Variants in XYLB observed in about 807,000 individuals in gnomAD.
XYLB encodes the protein xylulokinase, also known as xylulose kinase.
Under a neutral mutation model 78.7 loss-of-function variants are expected in XYLB, and 62 were observed. That is an observed-to-expected ratio of 0.79 (90% confidence interval 0.64 to 0.97). XYLB has a LOEUF of 0.97. Among genes scored for constraint, XYLB ranks in the 50% least tolerant of loss-of-function variants. The pLI, the probability that XYLB is intolerant of heterozygous loss-of-function variation, is 0.00. For missense variants in XYLB, 687 were observed against 676.8 expected (o/e 1.02, Z -0.17); for synonymous variants, 245 against 247.4 (o/e 0.99, Z 0.09).
chr3:38,396,192 A>G (rs756039238), intron 16 of XYLB, among the ~76,000 whole-genome samples: 10 of 152,208 alleles, frequency 6.6e-5, no homozygotes, highest in Admixed American at 4.6e-4. Flanking sequence ...TGAAATGGGA[A>G]TTCTTCTATA....
chr3:38,397,849 T>G (rs949891586), intron 17 of XYLB, among the ~76,000 whole-genome samples: 8 of 149,656 alleles, frequency 5.3e-5, no homozygotes. Context: ...AGACGGAGTC[T>G]TGCTCTGTCA....
At chr3:38,451,316 G>A in the XYLB span, 2 of 152,212 alleles carry the variant, frequency 1.3e-5, no homozygotes, top group Non-Finnish European at 2.9e-5. Context: ...GAAGGAACTC[G>A]GATAAAACAA....
chr3:38,365,729 C>T lies in XYLB; in HGVS notation c.500C>T (p.Ala167Val), dbSNP rs1328624888. 2 of 1,612,426 alleles carry T rather than the reference C, an allele frequency of 1.2e-6. No individual in the cohort carries two copies. Among genetic ancestry groups the T allele is most frequent in the Non-Finnish European group, 1.7e-6 (2 of 1,179,390 alleles). Residue 167 changes from alanine to valine, a missense_variant, in exon 6 of 19, where the codon GCC becomes GTC. Coordinates refer to ENST00000207870, the MANE Select transcript of XYLB (RefSeq NM_005108.4). ...CTCAGCTGCCTCACGGGGTCCCGTGCCTATGAGGTAGGCTGAGGATGCGGG... is the reference window on the plus strand; with the variant it reads ...CTCAGCTGCCTCACGGGGTCCCGTGTCTATGAGGTAGGCTGAGGATGCGGG... ...QALSCLTGSR[A>V]YERFTGNQIA...
chr3:38,412,116 G>A (rs574092535), intron 18 of XYLB, among the ~76,000 whole-genome samples: 3 of 151,634 alleles, frequency 2.0e-5, no homozygotes, highest in South Asian at 2.1e-4. Flanking sequence ...TCAGCCTCTC[G>A]AGTAGTTGGG....
intron 2 of XYLB, 52 bp downstream of exon 2, chr3:38,348,684 CT>C: frequency 4.5e-6 from 7 of 1,562,270 alleles, no homozygotes; most frequent in Non-Finnish European, 6.2e-6. Flanking sequence ...TTTTGGGGTC[CT>C]CCCGCAAACT....
the XYLB span, among the ~76,000 whole-genome samples, chr3:38,445,798 T>C: frequency 6.6e-6 from 1 of 152,188 alleles, no homozygotes; most frequent in South Asian, 2.1e-4. Flanking sequence ...GTGGCCACGC[T>C]AGTCACTTTT....
intron 1 of XYLB, among the ~76,000 whole-genome samples, chr3:38,347,552 C>T (rs1205962063): frequency 6.6e-6 from 1 of 151,864 alleles, no homozygotes. Flanking sequence ...TGGTGGAGCA[C>T]ACCTGTAGTC....
chr3:38,452,132 G>A, the XYLB span: 3 of 152,194 alleles, frequency 2.0e-5, no homozygotes, highest in East Asian at 5.8e-4. Flanking sequence ...GTTATTACCA[G>A]ATACCTTATA....
At chr3:38,446,763 C>A in the XYLB span, among the ~76,000 whole-genome samples, 2 of 152,006 alleles carry the variant, frequency 1.3e-5, no homozygotes, top group African/African-American at 2.4e-5. Context: ...TATACAAAAA[C>A]CAAATCAAAA....
chr3:38,448,366 G>A, the XYLB span, among the ~76,000 whole-genome samples: 3 of 152,038 alleles, frequency 2.0e-5, no homozygotes, highest in Non-Finnish European at 4.4e-5. Flanking sequence ...TTGGGTGATG[G>A]ATACCTAAAT....
the XYLB span, among the ~76,000 whole-genome samples, chr3:38,434,814 G>T: frequency 6.6e-6 from 1 of 152,186 alleles, no homozygotes; most frequent in East Asian, 1.9e-4. Flanking sequence ...AATGAAAATG[G>T]TTTAAATTCT....
rs1553664981 is a variant in XYLB at position 38,413,001 on chromosome 3, G to A, written c.1599G>A (p.Gly533=). The A allele has an allele frequency of 1.9e-6, 3 of 1,600,250 alleles. No individual in the cohort carries two copies. The highest frequency in any genetic ancestry group is 3.6e-5 in the Admixed American group (2 of 56,042). The change falls in exon 19 of 19, where the codon GGG becomes GGA. Residue 533 remains glycine (G), a synonymous_variant. Transcript: ENST00000207870. ...AGAGAATCTTGTCTCAGACCCGGGGGCCTCCGGAGTGAACAGGCATCCCTG... is the reference window on the plus strand; with the variant it reads ...AGAGAATCTTGTCTCAGACCCGGGGACCTCCGGAGTGAACAGGCATCCCTG... ...LEQRILSQTR[G]PPE
chr3:38,406,655 T>G (rs1009329542), intron 18 of XYLB, among the ~76,000 whole-genome samples: 10 of 152,108 alleles, frequency 6.6e-5, no homozygotes, highest in African/African-American at 2.4e-4. Flanking sequence ...GATGAATGTA[T>G]AACTAGAATA....
At chr3:38,441,844 G>C in the XYLB span, among the ~76,000 whole-genome samples, 1 of 152,170 alleles carries the variant, frequency 6.6e-6, no homozygotes, top group African/African-American at 2.4e-5. Flanking sequence ...GTTGTCCCAC[G>C]AGTCTGAGTA....
rs962324882 is a variant in XYLB, at chr3:38,372,384, C to T, written c.766-271C>T. ...CACAAGTTAGGGGTTGGTTTGTTCT[C>T]TCTATCTTAAATCTCAAGATCAGCA... On this transcript the variant is annotated intron_variant, in intron 9 of 18. Coordinates refer to ENST00000207870, the MANE Select transcript of XYLB (RefSeq NM_005108.4). The T allele has an allele frequency of 7.1e-6, 7 of 985,060 alleles. No homozygotes were observed. In the African/African-American group the frequency reaches 1.2e-4, roughly 17 times the overall value. The allele number at this position is 985,060 out of a possible 1,614,324, so 61.0% of individuals were successfully genotyped here. A position where few individuals can be genotyped will look rare whatever the true frequency, so the allele number is the denominator to read the frequency against.
chr3:38,423,585 C>T (rs1164702634), downstream of XYLB, among the ~76,000 whole-genome samples: 1 of 152,206 alleles, frequency 6.6e-6, no homozygotes, highest in East Asian at 1.9e-4. Context: ...TTTGCATTTA[C>T]AATTCCTGTG....
intron 15 of XYLB, among the ~76,000 whole-genome samples, chr3:38,387,057 T>C (rs1337853395): frequency 1.3e-5 from 2 of 152,172 alleles, no homozygotes; most frequent in Non-Finnish European, 2.9e-5. Context: ...TTTAAGATTT[T>C]TCTATTAATC....
intron 18 of XYLB, among the ~76,000 whole-genome samples, chr3:38,404,540 G>A (rs1277944442): frequency 6.6e-5 from 10 of 152,188 alleles, no homozygotes; most frequent in Admixed American, 5.9e-4. Context: ...CTTCCAGCTG[G>A]GCGTGGTGAC....
the XYLB span, among the ~76,000 whole-genome samples, chr3:38,449,033 T>A: frequency 6.6e-6 from 1 of 152,224 alleles, no homozygotes; most frequent in African/African-American, 2.4e-5. Flanking sequence ...TCACCTGGTT[T>A]TTCAGTGAGT....
Sources: allele counts gnomAD v4.1 joint callset (sites outside exome capture counted in the v4.1 genomes callset), GRCh38; gene constraint gnomAD v4.1.1; transcripts MANE v1.5; gene names NCBI Gene and HGNC (gene_info 2026-07-23, HGNC 2026-07-21).